CDH13: variants seen among roughly 807,000 people sequenced by gnomAD.
CDH13 encodes the protein cadherin 13, also known as cadherin-13.
A neutral mutation model predicts 63.8 loss-of-function variants in CDH13; 24 were observed. The ratio of observed to expected loss-of-function variants is 0.38; its 90% CI spans 0.27 to 0.53. CDH13 has a LOEUF of 0.53. Ranked by LOEUF, CDH13 falls within the 20% of genes least tolerant of loss-of-function variation. The pLI is 0.85. For missense variants in CDH13, 1,049 were observed against 903.1 expected, an observed-to-expected ratio of 1.16 and a Z score of -2.07; for synonymous variants, 503 against 355.3, an observed-to-expected ratio of 1.42 and a Z score of -4.67.
At chr16:82,680,889 G>A (rs1185086733) in intron 1 of CDH13, among the ~76,000 whole-genome samples, 1 of 152,186 alleles carries the variant, frequency 6.6e-6, no homozygotes, top group Middle Eastern at 3.2e-3. Flanking sequence ...GAGCTGGAGA[G>A]AAAAAGACAC....
intron 6 of CDH13, among the ~76,000 whole-genome samples, chr16:83,379,002 T>A (rs1328838207): frequency 7.2e-6 from 1 of 139,002 alleles, no homozygotes; most frequent in East Asian, 1.9e-4. Flanking sequence ...TATATATATA[T>A]ATATACACAC....
chr16:83,342,870 T>C, intron 5 of CDH13, among the ~76,000 whole-genome samples: 1 of 102,814 alleles, frequency 9.7e-6, no homozygotes, highest in Non-Finnish European at 2.0e-5. Context: ...TTTTTTTTGG[T>C]TGAGTTAAAG....
chr16:83,508,335 G>A (rs551575929), intron 7 of CDH13: 5 of 154,762 alleles, frequency 3.2e-5, no homozygotes, highest in East Asian at 1.9e-4. Context: ...GAAGTTTTGC[G>A]TTGCCCCATG....
At chr16:82,901,328 G>GTGTA (rs1338347010) in intron 2 of CDH13, among the ~76,000 whole-genome samples, 2 of 129,870 alleles carry the variant, frequency 1.5e-5, no homozygotes, top group Non-Finnish European at 3.5e-5. Context: ...ATTCTCCTGT[G>GTGTA]TGTGTGTGTG....
intron 2 of CDH13, among the ~76,000 whole-genome samples, chr16:82,889,924 A>G (rs913428578): frequency 6.6e-6 from 1 of 152,270 alleles, no homozygotes; most frequent in Non-Finnish European, 1.5e-5. Flanking sequence ...GGAAATTGGC[A>G]TGGGCCACAG....
In CDH13 at chr16:83,318,252, G is replaced by C. The variant is rs920252225; in HGVS notation, c.637-26610G>C. Among the ~76,000 whole-genome samples, 4 of 152,148 alleles carry C rather than the reference G, an allele frequency of 2.6e-5. 1 individual carries two copies. Among genetic ancestry groups the C allele is most frequent in the South Asian group, 4.1e-4 (2 of 4,832 alleles). On this transcript the variant is annotated intron_variant, in intron 5 of 13. Transcript: ENST00000567109. ...GGAAGGTCTTACTGTGTTTTCCTGA[G>C]TGTGGGTTGTCTAGGGAAATTGGGC...
At chr16:82,857,970 C>G (rs1057222248) in intron 1 of CDH13, among the ~76,000 whole-genome samples, 1 of 152,156 alleles carries the variant, frequency 6.6e-6, no homozygotes, top group Non-Finnish European at 1.5e-5. Context: ...TCCATTTTCT[C>G]TTTCCTCCTC....
At chr16:82,698,198 G>A (rs144878276) in intron 1 of CDH13, among the ~76,000 whole-genome samples, 234 of 152,316 alleles carry the variant, frequency 1.5e-3, no homozygotes, top group African/African-American at 5.1e-3. Context: ...GAATTCTAAG[G>A]CAGTGCTATC....
intron 10 of CDH13, among the ~76,000 whole-genome samples, chr16:83,722,156 A>T (rs1466388066): frequency 6.6e-6 from 1 of 152,164 alleles, no homozygotes; most frequent in African/African-American, 2.4e-5. Context: ...ACAGTATTCA[A>T]ATCCCAACTT....
chr16:83,379,348 C>T (rs900407172), intron 6 of CDH13, among the ~76,000 whole-genome samples: 2 of 152,062 alleles, frequency 1.3e-5, no homozygotes, highest in African/African-American at 2.4e-5. Flanking sequence ...TCTTCCATGG[C>T]CTATGGTACA....
chr16:83,324,368 C>G (rs990108097), intron 5 of CDH13, among the ~76,000 whole-genome samples: 1 of 152,190 alleles, frequency 6.6e-6, no homozygotes, highest in Non-Finnish European at 1.5e-5. Context: ...GTCTTCACCT[C>G]AAAAGAAACC....
chr16:83,386,736 G>A (rs1340295424), intron 6 of CDH13, among the ~76,000 whole-genome samples: 1 of 152,194 alleles, frequency 6.6e-6, no homozygotes, highest in African/African-American at 2.4e-5. Context: ...TAACCATGGT[G>A]GCTTAAACAG....
intron 6 of CDH13, among the ~76,000 whole-genome samples, chr16:83,431,560 A>G (rs1410139544): frequency 4.6e-5 from 7 of 152,130 alleles, no homozygotes; most frequent in Non-Finnish European, 7.4e-5. Context: ...ATTGGGTCAC[A>G]GTTCTGCAGG....
At chr16:82,707,054 G>A (rs527911706) in intron 1 of CDH13, among the ~76,000 whole-genome samples, 4 of 152,324 alleles carry the variant, frequency 2.6e-5, no homozygotes, top group East Asian at 1.9e-4. Flanking sequence ...GGAGGACAAG[G>A]CGTGGACCAT....
At chr16:83,707,940 C>T (rs377670796) in intron 10 of CDH13, among the ~76,000 whole-genome samples, 1 of 151,170 alleles carries the variant, frequency 6.6e-6, no homozygotes, top group African/African-American at 2.4e-5. Flanking sequence ...TCTTTGGACT[C>T]ATCCTCCTGT....
At chr16:83,102,930 C>CTTTTTTTTTTTTCTTTTTCTT (rs71148812) in intron 3 of CDH13, among the ~76,000 whole-genome samples, 15 of 96,904 alleles carry the variant, frequency 1.5e-4, no homozygotes, top group African/African-American at 6.5e-4. Context: ...TTTTCTTTTT[C>CTTTTTTTTTTTTCTTTTTCTT]TTTTTTTTTT....
At chr16:82,697,820 A>G (rs1328569698) in intron 1 of CDH13, among the ~76,000 whole-genome samples, 1 of 151,596 alleles carries the variant, frequency 6.6e-6, no homozygotes, top group Non-Finnish European at 1.5e-5. Flanking sequence ...ACATAGCCAA[A>G]TGGTTTTGAA....
chr16:83,085,417 C>T (rs1160458344), intron 3 of CDH13, among the ~76,000 whole-genome samples: 1 of 152,146 alleles, frequency 6.6e-6, no homozygotes, highest in Non-Finnish European at 1.5e-5. Flanking sequence ...CAAACCATAT[C>T]ACTCCTCATG....
At chr16:82,737,677 G>T (rs769886912) in intron 1 of CDH13, among the ~76,000 whole-genome samples, 1 of 152,176 alleles carries the variant, frequency 6.6e-6, no homozygotes, top group Non-Finnish European at 1.5e-5. Flanking sequence ...ACAGAGATTT[G>T]GCCTGGCAGA....
Sources: allele counts gnomAD v4.1 joint callset (sites outside exome capture counted in the v4.1 genomes callset), GRCh38; gene constraint gnomAD v4.1.1; transcripts MANE v1.5; gene names NCBI Gene and HGNC (gene_info 2026-07-23, HGNC 2026-07-21).